FGF12: variants seen among roughly 807,000 people sequenced by gnomAD.
FGF12 encodes the protein fibroblast growth factor 12B.
In FGF12, 14 loss-of-function variants were observed where a neutral mutation model predicts 23.6. The ratio of observed to expected loss-of-function variants is 0.59; its 90% CI spans 0.39 to 0.93. FGF12 has a LOEUF of 0.93. Among genes scored for constraint, FGF12 ranks in the 40% least tolerant of loss-of-function variants. The pLI is 0.00. For synonymous variants in FGF12, 62 were observed against 77.3 expected (o/e 0.80, Z 1.04); for missense variants, 175 against 217.8 (o/e 0.80, Z 1.24).
At chr3:192,355,390 T>C (rs777063306) in intron 3 of FGF12, among the ~76,000 whole-genome samples, 14 of 152,218 alleles carry the variant, frequency 9.2e-5, no homozygotes, top group Non-Finnish European at 1.9e-4. Context: ...GGATAGATAT[T>C]GTACATGTTG....
chr3:192,633,171 G>A (rs1038606986), intron 2 of FGF12, among the ~76,000 whole-genome samples: 22 of 151,984 alleles, frequency 1.4e-4, no homozygotes, highest in African/African-American at 5.1e-4. Context: ...TCAGCCTCCC[G>A]AGTAGCTGGG....
At chr3:192,364,908 C>A (rs1718899615) in intron 2 of FGF12, among the ~76,000 whole-genome samples, 1 of 152,032 alleles carries the variant, frequency 6.6e-6, no homozygotes, top group South Asian at 2.1e-4. Flanking sequence ...GTCAGGCAAT[C>A]AAGGCTAATA....
chr3:192,327,286 A>G (rs2108687854), intron 4 of FGF12, among the ~76,000 whole-genome samples: 1 of 152,322 alleles, frequency 6.6e-6, no homozygotes, highest in Middle Eastern at 3.4e-3. Context: ...CATGATTCTC[A>G]TGGTTACAGC....
chr3:192,291,281 T>TA (rs1164727010), intron 4 of FGF12, among the ~76,000 whole-genome samples: 2 of 152,112 alleles, frequency 1.3e-5, no homozygotes, highest in African/African-American at 4.8e-5. Flanking sequence ...TGTTACTTTT[T>TA]AAAAAATTAT....
chr3:192,408,360 A>G lies in FGF12; in HGVS notation c.14-47822T>C. ...CAGTGCTAAAATTTGAGGAGGCTGC[A>G]GTATCGAAAACCCGGCGCTCACAAG... On this transcript the variant is annotated intron_variant, in intron 2 of 5. Coordinates refer to ENST00000445105, the MANE Select transcript of FGF12 (RefSeq NM_004113.6). This position sits in a 1 kb window ranked among gnomAD's most constrained non-coding sequence, Gnocchi z 7.3. 7.0e-7 allele frequency: 1 copy of G among 1,424,234 alleles called. No individual in the cohort carries two copies. The highest frequency in any genetic ancestry group is 9.1e-7 in the Non-Finnish European group (1 of 1,093,188). 88.2% of individuals were successfully genotyped at this position (1,424,234 alleles called of 1,614,324 possible). A position where few individuals can be genotyped will look rare whatever the true frequency, so the allele number is the denominator to read the frequency against.
intron 2 of FGF12, among the ~76,000 whole-genome samples, chr3:192,400,166 A>AC (rs1720697737): frequency 5.3e-5 from 8 of 151,892 alleles, no homozygotes; most frequent in African/African-American, 1.7e-4. Context: ...AGGCCTATAA[A>AC]TACTACAAAC....
Position 192,439,773 on chromosome 3 carries a change from A to G in FGF12, c.14-79235T>C, listed in dbSNP as rs560230755. ...GGGTGAATCACAAGGTCAGGAGTTC[A>G]AGACCAGCCTGGCAAAGATGGTGAA... On this transcript the variant is annotated intron_variant, in intron 2 of 5. Coordinates refer to ENST00000445105, the MANE Select transcript of FGF12 (RefSeq NM_004113.6). 1.9e-3 allele frequency among the ~76,000 whole-genome samples: 286 copies of G among 152,198 alleles called. 4 individuals are homozygous for G. Among genetic ancestry groups the G allele is most frequent in the Admixed American group, 8.5e-3 (130 of 15,280 alleles).
intron 2 of FGF12, among the ~76,000 whole-genome samples, chr3:192,371,205 CA>C (rs1178399250): frequency 6.6e-6 from 1 of 152,138 alleles, no homozygotes; most frequent in African/African-American, 2.4e-5. Flanking sequence ...CAGAGCCAGA[CA>C]AGCCATTCAG....
At chr3:192,647,685 A>ATATATGTG (rs1491310395) in intron 2 of FGF12, among the ~76,000 whole-genome samples, 101 of 147,590 alleles carry the variant, frequency 6.8e-4, no homozygotes, top group Non-Finnish European at 1.2e-3. Context: ...ACATATATAC[A>ATATATGTG]TATATATGTA....
chr3:192,280,508 G>C (rs1212788803), intron 4 of FGF12, among the ~76,000 whole-genome samples: 2 of 152,020 alleles, frequency 1.3e-5, no homozygotes, highest in Middle Eastern at 3.2e-3. Context: ...TATTACTAGT[G>C]CCTCTTCAAA....
intron 2 of FGF12, among the ~76,000 whole-genome samples, chr3:192,453,444 C>G (rs73889341): frequency 6.6e-6 from 1 of 151,746 alleles, no homozygotes; most frequent in East Asian, 1.9e-4. Flanking sequence ...AATGCCCCCC[C>G]CTTTTTAAAA....
intron 4 of FGF12, among the ~76,000 whole-genome samples, chr3:192,183,168 T>G (rs1294422562): frequency 6.6e-6 from 1 of 151,824 alleles, no homozygotes; most frequent in Non-Finnish European, 1.5e-5. Context: ...ATCCTTTTTA[T>G]GGATCTGGAG....
intron 2 of FGF12, among the ~76,000 whole-genome samples, chr3:192,481,696 G>A (rs1207638743): frequency 1.3e-5 from 2 of 152,136 alleles, no homozygotes; most frequent in Non-Finnish European, 2.9e-5. Flanking sequence ...GAAAAGTGAA[G>A]AAAAATCTAG....
chr3:192,579,340 C>A (rs143698390), intron 2 of FGF12, among the ~76,000 whole-genome samples: 1 of 152,168 alleles, frequency 6.6e-6, no homozygotes, highest in Non-Finnish European at 1.5e-5. Context: ...CATACATACA[C>A]ACACACAAAG....
Position 192,327,581 on chromosome 3 carries a change from A to C in FGF12, c.228+7780T>G, listed in dbSNP as rs564246956. 2.0e-3 allele frequency among the ~76,000 whole-genome samples: 302 copies of C among 151,820 alleles called. 10 individuals are homozygous for C. Among genetic ancestry groups the C allele is most frequent in the African/African-American group, 6.9e-3 (284 of 41,406 alleles). On this transcript the variant is annotated intron_variant, in intron 4 of 5. Coordinates refer to ENST00000445105, the MANE Select transcript of FGF12 (RefSeq NM_004113.6). Reference sequence around the variant, plus strand: ...TTTGAAAAAAATAAACCTTTTAAAAACATTATAACCAATATTAACCACTAA... The same window carrying C: ...TTTGAAAAAAATAAACCTTTTAAAACCATTATAACCAATATTAACCACTAA...
At chr3:192,587,396 T>C (rs1713416928) in intron 2 of FGF12, among the ~76,000 whole-genome samples, 1 of 151,922 alleles carries the variant, frequency 6.6e-6, no homozygotes, top group Non-Finnish European at 1.5e-5. Context: ...GTGGTGGTAG[T>C]AGGAGGGTCT....
intron 2 of FGF12, among the ~76,000 whole-genome samples, chr3:192,493,330 A>G (rs992978228): frequency 1.3e-5 from 2 of 152,214 alleles, no homozygotes; most frequent in Admixed American, 6.5e-5. Flanking sequence ...GAGCACAGTT[A>G]GCTGTTAAGT....
At chr3:192,636,215 T>C (rs1715577348) in intron 2 of FGF12, among the ~76,000 whole-genome samples, 1 of 152,236 alleles carries the variant, frequency 6.6e-6, no homozygotes, top group South Asian at 2.1e-4. Context: ...CACCCTAGAT[T>C]GTCAGTTCTG....
chr3:192,187,143 T>C (rs1214676595), intron 4 of FGF12, among the ~76,000 whole-genome samples: 1 of 152,200 alleles, frequency 6.6e-6, no homozygotes, highest in Non-Finnish European at 1.5e-5. Flanking sequence ...TTTTCCCTAA[T>C]AGAATCAGCA....
Sources: gnomAD v4.1 joint callset for allele counts (sites outside exome capture counted in the v4.1 genomes callset) on GRCh38, gnomAD v4.1.1 for gene constraint, Gnocchi (gnomAD v3.1) non-coding constraint, MANE v1.5 for transcripts, NCBI Gene and HGNC (gene_info 2026-07-23, HGNC 2026-07-21) for gene names.